Variants in ZFP62 observed in about 807,000 individuals in gnomAD.
The protein encoded by ZFP62 is zinc finger protein 62 homolog.
ZFP62 carries 44 observed loss-of-function variants against 56.4 expected under a neutral mutation model. The observed-to-expected ratio is 0.78, with a 90% CI of 0.61 to 1.00. ZFP62 has a LOEUF of 1.00. Among genes scored for constraint, ZFP62 ranks in the 50% least tolerant of loss-of-function variants. The pLI is 0.00. For missense variants in ZFP62, 1,030 were observed against 1,085.7 expected (o/e 0.95, Z 0.72); for synonymous variants, 421 against 388.9 (o/e 1.08, Z -0.97).
chr5:180,856,677 G>A (rs780637285), intron 1 of ZFP62, among the ~76,000 whole-genome samples: 1 of 152,104 alleles, frequency 6.6e-6, no homozygotes, highest in Non-Finnish European at 1.5e-5. Flanking sequence ...AGAGGCGGCC[G>A]GGCATGGTGG....
At chr5:180,828,752 C>T in the ZFP62 span, among the ~76,000 whole-genome samples, 1 of 152,124 alleles carries the variant, frequency 6.6e-6, no homozygotes, top group African/African-American at 2.4e-5. Flanking sequence ...GGAAGACAAC[C>T]ATAAGGTCTG....
At position 180,851,267 on chromosome 5, in the gene ZFP62, C is replaced by T; in HGVS notation, c.228G>A (p.Lys76=). ...SSIREAISKA[K]STANIKTEQE... ...GTTCTGTCTTTATATTTGCTGTACT[C>T]TTGGCTTTGCTGATTGCTTCCCTGA... Residue 76 remains lysine, a synonymous_variant, in exon 2 of 2, where the codon AAG becomes AAA. Coordinates refer to ENST00000502412, the MANE Select transcript of ZFP62 (RefSeq NM_001172638.2). 6.4e-7 allele frequency: 1 copy of T among 1,551,636 alleles called. No homozygotes were observed. Among genetic ancestry groups the T allele is most frequent in the Non-Finnish European group, 8.7e-7 (1 of 1,146,988 alleles).
Position 180,851,303 on chromosome 5 carries a change from G to C in ZFP62, c.192C>G (p.Asp64Glu). 1.3e-6 allele frequency: 2 copies of C among 1,551,562 alleles called. No homozygotes were observed. Among genetic ancestry groups the C allele is most frequent in the Non-Finnish European group, 1.7e-6 (2 of 1,146,980 alleles). ...KKPVENRMKEDKSSIREAISK... is the reference protein window; with the variant it reads ...KKPVENRMKEEKSSIREAISK... ...TGATTGCTTCCCTGATGCTGCTTTT[G>C]TCCTCCTTCATCCTGTTTTCCACAG... Residue 64 changes from aspartate (D) to glutamate (E), a missense_variant, in exon 2 of 2, where the codon GAC (aspartate) becomes GAG (glutamate). Physicochemically the swap from Asp to Glu is conservative, Grantham distance 45 (BLOSUM62 2). Transcript: ENST00000502412.
At chr5:180,836,549 C>T in the ZFP62 span, among the ~76,000 whole-genome samples, 31,971 of 152,154 alleles carry the variant, frequency 0.21, 4,721 homozygotes, top group African/African-American at 0.42. Flanking sequence ...AATTTGATTA[C>T]CTTTGTAAAG....
At chr5:180,841,751 C>CA in the ZFP62 span, among the ~76,000 whole-genome samples, 1 of 152,136 alleles carries the variant, frequency 6.6e-6, no homozygotes, top group African/African-American at 2.4e-5. Flanking sequence ...GAGAATCTGG[C>CA]ATACTATGAA....
chr5:180,845,811 G>A (rs1450276873), downstream of ZFP62: 3 of 985,242 alleles, frequency 3.0e-6, no homozygotes, highest in Admixed American at 6.2e-5. Context: ...TGAATCCCAC[G>A]GAGGAAAATT....
intron 1 of ZFP62, 32 bp from the exon 2 acceptor site, chr5:180,851,525 C>A: frequency 6.7e-7 from 1 of 1,483,262 alleles, no homozygotes; most frequent in Non-Finnish European, 8.9e-7. Flanking sequence ...GACACCTATT[C>A]ACTCTCTTAA....
Position 180,850,747 on chromosome 5 carries a change from C to T in ZFP62, c.748G>A (p.Glu250Lys), listed in dbSNP as rs756758120. The T allele has an allele frequency of 6.2e-7, 1 of 1,606,588 alleles. No homozygotes were observed. The highest frequency in any genetic ancestry group is 8.5e-7 in the Non-Finnish European group (1 of 1,176,362). The change falls in exon 2 of 2, where the codon GAG (glutamate) becomes AAG (lysine). Residue 250 changes from glutamate (E) to lysine (K), a missense_variant. Glu to Lys is a moderately conservative substitution (Grantham distance 56). Coordinates refer to ENST00000502412, the MANE Select transcript of ZFP62 (RefSeq NM_001172638.2). ...LDQHKRIHTG[E>K]KPYECGECGK... ...CACTCACCACATTCATAGGGCTTCTCCCCAGTGTGGATCCTTTTATGCTGG... is the reference window on the plus strand; with the variant it reads ...CACTCACCACATTCATAGGGCTTCTTCCCAGTGTGGATCCTTTTATGCTGG...
At chr5:180,831,683 C>A in the ZFP62 span, 1 of 152,530 alleles carries the variant, frequency 6.6e-6, no homozygotes, top group Admixed American at 6.5e-5. Flanking sequence ...GTACCCGGAC[C>A]TGCCCAACGA....
At chr5:180,858,628 C>G (rs1034766496) in intron 1 of ZFP62, among the ~76,000 whole-genome samples, 1 of 152,014 alleles carries the variant, frequency 6.6e-6, no homozygotes, top group Non-Finnish European at 1.5e-5. Flanking sequence ...AAAGATCACT[C>G]ACACTAGTTG....
downstream of ZFP62, among the ~76,000 whole-genome samples, chr5:180,844,358 C>T (rs1036483527): frequency 6.6e-6 from 1 of 152,192 alleles, no homozygotes. Flanking sequence ...ATGGTTTGCA[C>T]CCAAGACCAG....
chr5:180,845,683 T>C, downstream of ZFP62: 1 of 984,964 alleles, frequency 1.0e-6, no homozygotes, highest in East Asian at 1.1e-4. Context: ...AGGAACTCCT[T>C]GGGTACAGCT....
chr5:180,832,267 C>T, the ZFP62 span, among the ~76,000 whole-genome samples: 1 of 152,144 alleles, frequency 6.6e-6, no homozygotes, highest in Non-Finnish European at 1.5e-5. Flanking sequence ...AACCTTCCAC[C>T]TCAGCCTCCC....
At chr5:180,837,988 T>C in the ZFP62 span, among the ~76,000 whole-genome samples, 6 of 152,202 alleles carry the variant, frequency 3.9e-5, no homozygotes, top group African/African-American at 1.2e-4. Flanking sequence ...ATGCACTTGA[T>C]GTAAAGTTGT....
At chr5:180,840,029 G>A in the ZFP62 span, among the ~76,000 whole-genome samples, 1 of 148,004 alleles carries the variant, frequency 6.8e-6, no homozygotes, top group East Asian at 1.9e-4. Flanking sequence ...TACTAGTTGT[G>A]GGACTGCCTA....
the ZFP62 span, among the ~76,000 whole-genome samples, chr5:180,841,875 C>T: frequency 6.6e-6 from 1 of 152,026 alleles, no homozygotes; most frequent in Non-Finnish European, 1.5e-5. Flanking sequence ...CAACACAGCA[C>T]AACCCCTCTC....
downstream of ZFP62, chr5:180,845,871 T>C: frequency 2.0e-6 from 2 of 985,468 alleles, no homozygotes; most frequent in Non-Finnish European, 2.4e-6. Context: ...CCCAGTGTCT[T>C]CATACACAAA....
intron 1 of ZFP62, among the ~76,000 whole-genome samples, chr5:180,860,144 T>C (rs913589159): frequency 6.6e-6 from 1 of 152,164 alleles, no homozygotes; most frequent in African/African-American, 2.4e-5. Context: ...AGGATTTCTA[T>C]CACCTGTGTG....
downstream of ZFP62, among the ~76,000 whole-genome samples, chr5:180,847,033 T>C (rs958341700): frequency 6.6e-6 from 1 of 152,188 alleles, no homozygotes; most frequent in Non-Finnish European, 1.5e-5. Flanking sequence ...TGGTAGGGGT[T>C]TGGATACAAA....
Sources: gnomAD v4.1 joint callset for allele counts (sites outside exome capture counted in the v4.1 genomes callset) on GRCh38, gnomAD v4.1.1 for gene constraint, MANE v1.5 for transcripts, NCBI Gene and HGNC (gene_info 2026-07-23, HGNC 2026-07-21) for gene names.